The following KLRG1 variants were observed in gnomAD, a reference collection of about 807,000 sequenced individuals.
KLRG1 encodes the protein killer cell lectin-like receptor subfamily G member 1.
A neutral mutation model predicts 21.8 loss-of-function variants in KLRG1; 16 were observed. The ratio of observed to expected loss-of-function variants is 0.73; its 90% CI spans 0.50 to 1.11. KLRG1 has a LOEUF of 1.11. KLRG1 is among the 50% of genes most tolerant of loss of function. KLRG1 has a pLI of 0.00. For synonymous variants in KLRG1, 69 were observed against 75.9 expected (o/e 0.91, Z 0.47); for missense variants, 173 against 218.3 (o/e 0.79, Z 1.31).
chr12:9,134,126 C>T, the KLRG1 span, among the ~76,000 whole-genome samples: 1 of 152,150 alleles, frequency 6.6e-6, no homozygotes, highest in South Asian at 2.1e-4. Flanking sequence ...TCTTCTTTCC[C>T]TGGTTAGACT....
the KLRG1 span, among the ~76,000 whole-genome samples, chr12:9,019,056 A>G: frequency 2.6e-5 from 4 of 152,222 alleles, no homozygotes; most frequent in Non-Finnish European, 5.9e-5. Context: ...ATATATAAGG[A>G]GCTCAAACAA....
intron 1 of KLRG1, among the ~76,000 whole-genome samples, chr12:8,977,679 T>C (rs1419093618): frequency 6.6e-6 from 1 of 152,228 alleles, no homozygotes; most frequent in African/African-American, 2.4e-5. Flanking sequence ...TCTTCCTTTT[T>C]TTTATTTGAT....
chr12:8,994,797 A>G (rs958649783), intron 2 of KLRG1, among the ~76,000 whole-genome samples: 4 of 152,244 alleles, frequency 2.6e-5, no homozygotes, highest in Non-Finnish European at 4.4e-5. Context: ...TTACATGTGC[A>G]CAGAGATCTC....
the KLRG1 span, among the ~76,000 whole-genome samples, chr12:9,092,126 AG>A: frequency 1.6e-3 from 241 of 152,322 alleles, no homozygotes; most frequent in African/African-American, 5.4e-3. Flanking sequence ...CAGAAGGAGC[AG>A]GGAAACGACA....
chr12:9,037,668 C>T, the KLRG1 span, among the ~76,000 whole-genome samples: 1 of 152,174 alleles, frequency 6.6e-6, no homozygotes, highest in Non-Finnish European at 1.5e-5. Context: ...AAACCCCATT[C>T]GTGGTAAGAG....
At chr12:9,002,173 A>G (rs999031940) in intron 3 of KLRG1, among the ~76,000 whole-genome samples, 3 of 152,168 alleles carry the variant, frequency 2.0e-5, no homozygotes, top group Admixed American at 6.6e-5. Context: ...TAAGTTGGCT[A>G]ATCAAAAGAT....
the KLRG1 span, chr12:9,076,739 C>T: frequency 2.5e-3 from 4,086 of 1,613,546 alleles, 181 homozygotes; most frequent in Admixed American, 0.063. Context: ...GGAGAAGGAT[C>T]TCAGGTGTGC....
intron 3 of KLRG1, among the ~76,000 whole-genome samples, chr12:9,007,204 C>A (rs965727626): frequency 2.0e-5 from 3 of 152,136 alleles, no homozygotes; most frequent in Non-Finnish European, 2.9e-5. Flanking sequence ...CAAAAGACTC[C>A]TTTTCTCTCC....
At chr12:9,068,861 T>A in the KLRG1 span, 3 of 1,537,078 alleles carry the variant, frequency 2.0e-6, no homozygotes, top group African/African-American at 4.1e-5. Flanking sequence ...CAAAAGTCAA[T>A]TAAATGACCT....
the KLRG1 span, chr12:9,181,968 C>A: frequency 6.2e-7 from 1 of 1,611,708 alleles, no homozygotes; most frequent in Non-Finnish European, 8.5e-7. Flanking sequence ...TATGTTAAAT[C>A]GCTCACCTTG....
chr12:9,053,897 A>C, the KLRG1 span, among the ~76,000 whole-genome samples: 1 of 152,358 alleles, frequency 6.6e-6, no homozygotes, highest in Admixed American at 6.5e-5. Flanking sequence ...CAAAGAATGC[A>C]GTTTCCATGT....
At chr12:9,037,518 T>C in the KLRG1 span, among the ~76,000 whole-genome samples, 1 of 152,178 alleles carries the variant, frequency 6.6e-6, no homozygotes, top group African/African-American at 2.4e-5. Context: ...ATAAACTTTA[T>C]GAAAAAAATT....
At chr12:8,984,035 C>G (rs1946802972) in intron 1 of KLRG1, among the ~76,000 whole-genome samples, 1 of 152,028 alleles carries the variant, frequency 6.6e-6, no homozygotes, top group Admixed American at 6.6e-5. Flanking sequence ...TACAGTTTCA[C>G]TTTTGTTATA....
chr12:9,140,018 C>T, the KLRG1 span, among the ~76,000 whole-genome samples: 18 of 152,038 alleles, frequency 1.2e-4, no homozygotes, highest in Non-Finnish European at 8.8e-5. Flanking sequence ...TCTCTCTGGC[C>T]GGAGAGGAGG....
the KLRG1 span, chr12:9,201,042 T>C: frequency 6.2e-7 from 1 of 1,614,024 alleles, no homozygotes; most frequent in Non-Finnish European, 8.5e-7. Flanking sequence ...CATTGTGCAA[T>C]TCGATTTCTT....
intron 1 of KLRG1, among the ~76,000 whole-genome samples, chr12:8,981,049 A>G (rs1360774102): frequency 6.6e-6 from 1 of 152,114 alleles, no homozygotes; most frequent in Non-Finnish European, 1.5e-5. Flanking sequence ...CAGCTTTTTA[A>G]TTGCACTCCA....
chr12:9,113,607 T>G, the KLRG1 span: 2 of 1,455,176 alleles, frequency 1.4e-6, no homozygotes, highest in Non-Finnish European at 9.5e-7. Flanking sequence ...TCAACAGCAC[T>G]TTTTTCCATC....
At chr12:9,084,091 A>G in the KLRG1 span, among the ~76,000 whole-genome samples, 2 of 152,186 alleles carry the variant, frequency 1.3e-5, no homozygotes, top group Non-Finnish European at 2.9e-5. Context: ...TTCATCCAGC[A>G]AAGCTGTCTT....
downstream of KLRG1, among the ~76,000 whole-genome samples, chr12:9,014,378 C>T (rs760338625): frequency 5.9e-5 from 9 of 151,992 alleles, no homozygotes; most frequent in Non-Finnish European, 1.2e-4. Context: ...AAACAAATAA[C>T]ATACAAAGGA....
Sources: gnomAD v4.1 joint callset for allele counts (sites outside exome capture counted in the v4.1 genomes callset) on GRCh38, gnomAD v4.1.1 for gene constraint, MANE v1.5 for transcripts, NCBI Gene and HGNC (gene_info 2026-07-23, HGNC 2026-07-21) for gene names.